ARK2N: variants seen among roughly 807,000 people sequenced by gnomAD.
The protein encoded by ARK2N is protein ARK2N.
At chr18:46,178,793 A>G in the ARK2N span, among the ~76,000 whole-genome samples, 2 of 150,972 alleles carry the variant, frequency 1.3e-5, no homozygotes, top group South Asian at 4.3e-4. Context: ...ACACGCCTGT[A>G]GTCCCAGCTA....
At chr18:46,265,257 T>C in the ARK2N span, 5 of 152,680 alleles carry the variant, frequency 3.3e-5, no homozygotes, top group African/African-American at 1.2e-4. Flanking sequence ...GCTTATTTTT[T>C]CCCCCACTGT....
chr18:46,207,371 A>C, the ARK2N span, among the ~76,000 whole-genome samples: 1 of 147,018 alleles, frequency 6.8e-6, no homozygotes, highest in Non-Finnish European at 1.5e-5. Context: ...TTTCTCAGTA[A>C]TTACTCAGTT....
chr18:46,227,286 A>T, the ARK2N span, among the ~76,000 whole-genome samples: 25 of 152,332 alleles, frequency 1.6e-4, 1 homozygote, highest in East Asian at 4.0e-3. Context: ...AAGATCTTCG[A>T]TGTCTCAATA....
the ARK2N span, among the ~76,000 whole-genome samples, chr18:46,175,051 G>A: frequency 1.3e-5 from 2 of 152,120 alleles, no homozygotes; most frequent in African/African-American, 4.8e-5. Context: ...GTACACTGAC[G>A]AACCCGTGTT....
At chr18:46,259,523 T>C in the ARK2N span, among the ~76,000 whole-genome samples, 1 of 152,084 alleles carries the variant, frequency 6.6e-6, no homozygotes, top group Non-Finnish European at 1.5e-5. Context: ...ATTACAGGCG[T>C]GAGCCACCGC....
the ARK2N span, among the ~76,000 whole-genome samples, chr18:46,226,806 C>CTTTTTTT: frequency 1.5e-5 from 2 of 133,988 alleles, no homozygotes; most frequent in African/African-American, 5.5e-5. Flanking sequence ...ACTGGATTTA[C>CTTTTTTT]TTTTTTTTTT....
chr18:46,206,800 A>G, the ARK2N span, among the ~76,000 whole-genome samples: 1 of 151,786 alleles, frequency 6.6e-6, no homozygotes, highest in Non-Finnish European at 1.5e-5. Flanking sequence ...TTTTTGAGAC[A>G]GGGCCTCACT....
chr18:46,198,450 A>G, the ARK2N span, among the ~76,000 whole-genome samples: 1 of 152,112 alleles, frequency 6.6e-6, no homozygotes, highest in Non-Finnish European at 1.5e-5. Flanking sequence ...TAAAAAGTTC[A>G]TTCTCCCATT....
At chr18:46,259,484 C>A in the ARK2N span, among the ~76,000 whole-genome samples, 11 of 151,966 alleles carry the variant, frequency 7.2e-5, no homozygotes, top group Admixed American at 6.5e-4. Context: ...CCCCATGATC[C>A]GCCTACCTCG....
the ARK2N span, among the ~76,000 whole-genome samples, chr18:46,210,428 A>C: frequency 5.9e-5 from 9 of 152,222 alleles, no homozygotes; most frequent in Non-Finnish European, 1.3e-4. Flanking sequence ...AGAAAGCCAG[A>C]GAAGGAGCAG....
At chr18:46,224,802 A>G in the ARK2N span, among the ~76,000 whole-genome samples, 4 of 152,216 alleles carry the variant, frequency 2.6e-5, no homozygotes, top group South Asian at 2.1e-4. Context: ...ATCACTGCCT[A>G]TGAATGCTGG....
chr18:46,192,811 T>C, the ARK2N span, among the ~76,000 whole-genome samples: 1 of 146,456 alleles, frequency 6.8e-6, no homozygotes, highest in African/African-American at 2.5e-5. Flanking sequence ...CTCAAATAAT[T>C]CTCCCACCTT....
the ARK2N span, among the ~76,000 whole-genome samples, chr18:46,183,295 T>TGTG: frequency 8.5e-5 from 13 of 152,286 alleles, no homozygotes; most frequent in African/African-American, 1.2e-4. Context: ...TTTGGATTTC[T>TGTG]GTGGTGGTGG....
At chr18:46,186,605 C>G in the ARK2N span, among the ~76,000 whole-genome samples, 1 of 147,980 alleles carries the variant, frequency 6.8e-6, no homozygotes, top group Non-Finnish European at 1.5e-5. Context: ...TCCGGGTTCA[C>G]ACCATTCTCC....
At chr18:46,224,515 T>C in the ARK2N span, among the ~76,000 whole-genome samples, 1 of 152,202 alleles carries the variant, frequency 6.6e-6, no homozygotes, top group Non-Finnish European at 1.5e-5. Flanking sequence ...AATGTAGTGG[T>C]TCTCAACTAA....
the ARK2N span, among the ~76,000 whole-genome samples, chr18:46,196,832 C>A: frequency 6.6e-5 from 10 of 152,180 alleles, no homozygotes; most frequent in Non-Finnish European, 1.2e-4. Flanking sequence ...GACTCACTCA[C>A]ATGGCTGGCA....
At chr18:46,223,720 AAG>A in the ARK2N span, among the ~76,000 whole-genome samples, 2 of 152,124 alleles carry the variant, frequency 1.3e-5, no homozygotes, top group African/African-American at 4.8e-5. Flanking sequence ...TTTATTCAGC[AAG>A]TATCTGAGCA....
At chr18:46,215,318 CAAA>C in the ARK2N span, among the ~76,000 whole-genome samples, 1 of 151,808 alleles carries the variant, frequency 6.6e-6, no homozygotes, top group South Asian at 2.1e-4. Context: ...GACCCTGTCT[CAAA>C]AACAAACAAA....
the ARK2N span, among the ~76,000 whole-genome samples, chr18:46,261,936 GC>G: frequency 6.6e-6 from 1 of 152,154 alleles, no homozygotes; most frequent in Non-Finnish European, 1.5e-5. Context: ...TTAAACCAAA[GC>G]TGAAATTCTC....
Sources: gnomAD v4.1 joint callset for allele counts (sites outside exome capture counted in the v4.1 genomes callset) on GRCh38, gnomAD v4.1.1 for gene constraint, MANE v1.5 for transcripts, NCBI Gene and HGNC (gene_info 2026-07-23, HGNC 2026-07-21) for gene names.